Variants in PARD3 observed in about 807,000 individuals in gnomAD.
The protein encoded by PARD3 is par-3 family cell polarity regulator, also known as partitioning defective 3 homolog.
A neutral mutation model predicts 155.4 loss-of-function variants in PARD3; 75 were observed. That is an observed-to-expected ratio of 0.48 (90% CI 0.40 to 0.58). The LOEUF (loss-of-function observed/expected upper bound fraction) is 0.58, where lower values mean the gene tolerates loss of function less well. Among genes scored for constraint, PARD3 ranks in the 20% least tolerant of loss-of-function variants. The probability of loss-of-function intolerance (pLI) is 0.00; values close to 1 mark genes in which losing one functional copy is unlikely to be tolerated. For synonymous variants in PARD3, 576 were observed against 610.5 expected, an observed-to-expected ratio of 0.94 and a Z score of 0.83; for missense variants, 1,642 against 1,721.7, an observed-to-expected ratio of 0.95 and a Z score of 0.82.
chr10:34,286,738 G>A (rs1956413163), intron 20 of PARD3, among the ~76,000 whole-genome samples: 1 of 152,220 alleles, frequency 6.6e-6, no homozygotes, highest in African/African-American at 2.4e-5. Context: ...TGAAGGATTT[G>A]GAACAGAGGA....
intron 2 of PARD3, among the ~76,000 whole-genome samples, chr10:34,532,808 C>A (rs974964434): frequency 2.6e-5 from 4 of 152,306 alleles, no homozygotes; most frequent in African/African-American, 9.6e-5. Context: ...ACTGAAAGAT[C>A]TCTTCCAGTT....
At chr10:34,246,155 C>A (rs982382248) in intron 22 of PARD3, among the ~76,000 whole-genome samples, 1 of 152,148 alleles carries the variant, frequency 6.6e-6, no homozygotes, top group Non-Finnish European at 1.5e-5. Context: ...TAGAGAGGGG[C>A]TGAAGCCCAT....
chr10:34,507,794 T>C (rs1354810165), intron 3 of PARD3, among the ~76,000 whole-genome samples: 1 of 152,194 alleles, frequency 6.6e-6, no homozygotes, highest in African/African-American at 2.4e-5. Context: ...TCAGATTGCA[T>C]CTACAACAAA....
At chr10:34,697,582 A>C (rs2094198061) in intron 1 of PARD3, among the ~76,000 whole-genome samples, 1 of 152,184 alleles carries the variant, frequency 6.6e-6, no homozygotes, top group South Asian at 2.1e-4. Flanking sequence ...AAAAATGCAG[A>C]ATGACCAATC....
intron 5 of PARD3, among the ~76,000 whole-genome samples, chr10:34,437,714 C>T (rs773276112): frequency 7.9e-5 from 12 of 151,890 alleles, no homozygotes; most frequent in East Asian, 3.9e-4. Flanking sequence ...AAGTAAAATA[C>T]GTAATATTTT....
intron 20 of PARD3, among the ~76,000 whole-genome samples, chr10:34,291,001 C>T (rs1450842210): frequency 1.3e-5 from 2 of 152,174 alleles, no homozygotes; most frequent in Non-Finnish European, 2.9e-5. Flanking sequence ...AGTCATACAT[C>T]ACCTAAATGG....
intron 5 of PARD3, among the ~76,000 whole-genome samples, chr10:34,408,576 G>A (rs772713393): frequency 6.6e-5 from 10 of 152,246 alleles, no homozygotes; most frequent in South Asian, 2.1e-4. Flanking sequence ...GAAGGCATTC[G>A]TGTTAATGTC....
chr10:34,199,718 C>T (rs1203478572), intron 22 of PARD3, among the ~76,000 whole-genome samples: 1 of 152,166 alleles, frequency 6.6e-6, no homozygotes, highest in East Asian at 1.9e-4. Flanking sequence ...CTCCTTCCTA[C>T]TTTCAAGAAT....
At chr10:34,777,609 C>T (rs890912472) in intron 1 of PARD3, among the ~76,000 whole-genome samples, 2 of 152,180 alleles carry the variant, frequency 1.3e-5, no homozygotes, top group Non-Finnish European at 2.9e-5. Context: ...GCAATCGCTG[C>T]AGCCTCAAAC....
At chr10:34,805,680 A>G in intron 1 of PARD3, among the ~76,000 whole-genome samples, 1 of 151,554 alleles carries the variant, frequency 6.6e-6, no homozygotes, top group East Asian at 2.0e-4. Flanking sequence ...ACCTTGAGAC[A>G]ATAAGAAATT....
At chr10:34,136,185 G>A (rs1947887279) in intron 22 of PARD3, among the ~76,000 whole-genome samples, 1 of 152,154 alleles carries the variant, frequency 6.6e-6, no homozygotes, top group African/African-American at 2.4e-5. Flanking sequence ...TGGTGCTCTA[G>A]TAACAGTCCC....
At chr10:34,121,284 T>C (rs11009653) in intron 23 of PARD3, among the ~76,000 whole-genome samples, 1 of 152,014 alleles carries the variant, frequency 6.6e-6, no homozygotes, top group Non-Finnish European at 1.5e-5. Flanking sequence ...GCTCAAAATA[T>C]ACAATGGTGC....
At chr10:34,208,592 A>G (rs1219840798) in intron 22 of PARD3, among the ~76,000 whole-genome samples, 1 of 152,208 alleles carries the variant, frequency 6.6e-6, no homozygotes, top group East Asian at 1.9e-4. Flanking sequence ...GCAGAGGGTT[A>G]AGGACGCAGA....
chr10:34,775,949 G>T (rs970441643), intron 1 of PARD3, among the ~76,000 whole-genome samples: 1 of 152,128 alleles, frequency 6.6e-6, no homozygotes, highest in Non-Finnish European at 1.5e-5. Context: ...ATATGGCCAG[G>T]CATGGTGGCT....
intron 22 of PARD3, among the ~76,000 whole-genome samples, chr10:34,199,681 T>C (rs1399640186): frequency 6.6e-6 from 1 of 152,186 alleles, no homozygotes; most frequent in Non-Finnish European, 1.5e-5. Flanking sequence ...AAACATTTAC[T>C]TCCTACTAGT....
intron 2 of PARD3, among the ~76,000 whole-genome samples, chr10:34,670,889 A>G (rs1012559198): frequency 1.3e-5 from 2 of 151,996 alleles, no homozygotes; most frequent in African/African-American, 4.8e-5. Flanking sequence ...GTGTACCTGA[A>G]CCTCCCAGAA....
At chr10:34,151,488 ACAGCTC>A (rs1441699434) in intron 22 of PARD3, among the ~76,000 whole-genome samples, 1 of 152,188 alleles carries the variant, frequency 6.6e-6, no homozygotes, top group African/African-American at 2.4e-5. Flanking sequence ...GTATATATGT[ACAGCTC>A]CAAATTTTCC....
At chr10:34,246,489 A>AG (rs779288377) in intron 22 of PARD3, among the ~76,000 whole-genome samples, 9 of 152,092 alleles carry the variant, frequency 5.9e-5, no homozygotes, top group Non-Finnish European at 8.8e-5. Flanking sequence ...CCCTGAGTTG[A>AG]GGGGACAGAA....
At chr10:34,123,208 G>A (rs982787999) in intron 23 of PARD3, among the ~76,000 whole-genome samples, 7 of 152,140 alleles carry the variant, frequency 4.6e-5, no homozygotes, top group African/African-American at 9.7e-5. Context: ...ATAAACACAC[G>A]AGTATATATT....
Sources: allele counts gnomAD v4.1 joint callset (sites outside exome capture counted in the v4.1 genomes callset), GRCh38; gene constraint gnomAD v4.1.1; transcripts MANE v1.5; gene names NCBI Gene and HGNC (gene_info 2026-07-23, HGNC 2026-07-21).